The following CHCHD6 variants were observed in gnomAD, a reference collection of about 807,000 sequenced individuals.
CHCHD6 encodes the protein MICOS complex subunit MIC25.
A neutral mutation model predicts 32.3 loss-of-function variants in CHCHD6; 28 were observed. The ratio of observed to expected loss-of-function variants is 0.87; its 90% CI spans 0.64 to 1.19. The LOEUF (loss-of-function observed/expected upper bound fraction) is 1.19. CHCHD6 is among the 50% of genes most tolerant of loss of function. The pLI is 0.00. For synonymous variants in CHCHD6, 122 were observed against 117.5 expected, an observed-to-expected ratio of 1.04 and a Z score of -0.25; for missense variants, 333 against 307.0, an observed-to-expected ratio of 1.08 and a Z score of -0.63.
At chr3:126,776,666 T>C (rs1295685800) in intron 4 of CHCHD6, among the ~76,000 whole-genome samples, 6 of 152,250 alleles carry the variant, frequency 3.9e-5, no homozygotes, top group South Asian at 2.1e-4. Flanking sequence ...CATATAATCA[T>C]TTAATTCTCA....
chr3:126,794,866 G>A (rs143644975), intron 4 of CHCHD6, among the ~76,000 whole-genome samples: 3 of 152,150 alleles, frequency 2.0e-5, no homozygotes, highest in African/African-American at 7.2e-5. Flanking sequence ...GCAGTCCCTA[G>A]GACAATGCTC....
At chr3:126,732,348 C>T (rs1002310958) in intron 3 of CHCHD6, among the ~76,000 whole-genome samples, 1 of 152,124 alleles carries the variant, frequency 6.6e-6, no homozygotes, top group Non-Finnish European at 1.5e-5. Flanking sequence ...TCATATCTTG[C>T]TATTTTCACT....
rs1013865602 is a variant in CHCHD6 at position 126,952,247 on chromosome 3, A to T, written c.567-5169A>T. On this transcript the variant is annotated intron_variant, in intron 6 of 7. Coordinates refer to ENST00000290913, the MANE Select transcript of CHCHD6 (RefSeq NM_032343.3). ...CTAGACTTGGGAGTGCTCTGTGGGC[A>T]TGGGGGCTGGAGAAGTTGGGTGCTC... Among the ~76,000 whole-genome samples the T allele has an allele frequency of 2.0e-5, 3 of 152,258 alleles. No individual in the cohort carries two copies. The East Asian group carries it at 5.8e-4, about 29-fold the overall frequency.
At chr3:126,937,550 T>G (rs1473568832) in intron 6 of CHCHD6, among the ~76,000 whole-genome samples, 2 of 152,240 alleles carry the variant, frequency 1.3e-5, no homozygotes, top group Non-Finnish European at 2.9e-5. Context: ...TCATTCTATC[T>G]GCTTAAGCCT....
chr3:126,722,606 A>G (rs1399868197), intron 1 of CHCHD6, among the ~76,000 whole-genome samples: 1 of 152,176 alleles, frequency 6.6e-6, no homozygotes, highest in African/African-American at 2.4e-5. Flanking sequence ...TCTTCTTTGG[A>G]AAAATTTCTA....
chr3:126,830,131 A>G (rs959327609), intron 4 of CHCHD6, among the ~76,000 whole-genome samples: 2 of 152,072 alleles, frequency 1.3e-5, no homozygotes, highest in African/African-American at 4.8e-5. Flanking sequence ...TAAATAAATC[A>G]TGTTTGTTGT....
rs919392699 is a variant in CHCHD6 at position 126,841,664 on chromosome 3, G to C, written c.412-10983G>C. Among the ~76,000 whole-genome samples, 66 of 152,090 alleles carry C rather than the reference G, an allele frequency of 4.3e-4. 1 individual carries two copies. Among genetic ancestry groups the C allele is most frequent in the Middle Eastern group, 3.2e-3 (1 of 316 alleles). On this transcript the variant is annotated intron_variant, in intron 4 of 7. Transcript: ENST00000290913. ...CTCACGCCTGTAATCCCAGCACTTT[G>C]GGAGGCCAAGGTGGGAGGATCGCTT...
intron 4 of CHCHD6, among the ~76,000 whole-genome samples, chr3:126,753,119 A>G (rs1480055868): frequency 6.6e-6 from 1 of 152,056 alleles, no homozygotes; most frequent in African/African-American, 2.4e-5. Flanking sequence ...TGCTTTTTGT[A>G]AAACAAGCAG....
chr3:126,811,416 C>T (rs1183754006), intron 4 of CHCHD6, among the ~76,000 whole-genome samples: 1 of 152,124 alleles, frequency 6.6e-6, no homozygotes, highest in Admixed American at 6.6e-5. Context: ...TATGAAACAT[C>T]TCAAGTTTTA....
In CHCHD6 at chr3:126,924,049, G is replaced by A. The variant is rs556492874; in HGVS notation, c.566+9299G>A. Among the ~76,000 whole-genome samples the A allele has an allele frequency of 2.6e-5, 4 of 152,278 alleles. 1 individual carries two copies. Among genetic ancestry groups the A allele is most frequent in the African/African-American group, 7.2e-5 (3 of 41,562 alleles). On this transcript the variant is annotated intron_variant, in intron 6 of 7. Coordinates refer to ENST00000290913, the MANE Select transcript of CHCHD6 (RefSeq NM_032343.3). ...AGCCCTGATTCTGAGTGTGGAAATC[G>A]GAGGCAGCCTCATACCTAGTGACAG...
intron 7 of CHCHD6, among the ~76,000 whole-genome samples, chr3:126,959,060 T>C (rs1329639047): frequency 6.6e-6 from 1 of 152,194 alleles, no homozygotes; most frequent in East Asian, 1.9e-4. Flanking sequence ...CAGCCCCACC[T>C]CTGTGGTAGT....
rs567545712 is a variant in CHCHD6 at position 126,768,313 on chromosome 3, C to T, written c.411+35091C>T. Among the ~76,000 whole-genome samples the T allele has an allele frequency of 9.2e-5, 14 of 152,240 alleles. No individual in the cohort carries two copies. The South Asian group carries it at 2.7e-3, about 29-fold the overall frequency. ...CTTCTGCCCTGTAAGACAGCTGTTC[C>T]CCCTTTGCCTTACACCATGATTGGA... On this transcript the variant is annotated intron_variant, in intron 4 of 7. Coordinates refer to ENST00000290913, the MANE Select transcript of CHCHD6 (RefSeq NM_032343.3).
chr3:126,937,145 C>T (rs1158578474), intron 6 of CHCHD6, among the ~76,000 whole-genome samples: 1 of 152,230 alleles, frequency 6.6e-6, no homozygotes, highest in Non-Finnish European at 1.5e-5. Flanking sequence ...AAATTAAGTG[C>T]CTTTGCCTAG....
intron 2 of CHCHD6, 104 bp from the exon 3 acceptor site, chr3:126,730,457 A>G: frequency 1.1e-6 from 1 of 892,950 alleles, no homozygotes; most frequent in South Asian, 1.6e-5. Flanking sequence ...CTGCCTTCCA[A>G]GGGGCACATT....
chr3:126,832,723 A>G (rs1372544474), intron 4 of CHCHD6, among the ~76,000 whole-genome samples: 1 of 152,058 alleles, frequency 6.6e-6, no homozygotes, highest in East Asian at 1.9e-4. Flanking sequence ...ACTTTGTAGC[A>G]TCTTTGGAAA....
chr3:126,798,485 T>C (rs1268631278), intron 4 of CHCHD6, among the ~76,000 whole-genome samples: 1 of 152,236 alleles, frequency 6.6e-6, no homozygotes, highest in East Asian at 1.9e-4. Flanking sequence ...AATGTGCCCT[T>C]TTCAGTGGAT....
chr3:126,856,714 G>C (rs1029394047), intron 5 of CHCHD6, among the ~76,000 whole-genome samples: 1 of 152,198 alleles, frequency 6.6e-6, no homozygotes, highest in African/African-American at 2.4e-5. Context: ...GTGCTGGGTG[G>C]CTCTGAAGAA....
chr3:126,723,949 A>AT, intron 1 of CHCHD6, among the ~76,000 whole-genome samples: 1 of 152,208 alleles, frequency 6.6e-6, no homozygotes, highest in Non-Finnish European at 1.5e-5. Context: ...AAGGATTTTT[A>AT]TCCTGGATTG....
At chr3:126,805,231 T>C (rs1301919344) in intron 4 of CHCHD6, among the ~76,000 whole-genome samples, 1 of 152,112 alleles carries the variant, frequency 6.6e-6, no homozygotes, top group African/African-American at 2.4e-5. Context: ...AAATAAAGGG[T>C]ATTCAGTTAG....
Sources: allele counts gnomAD v4.1 joint callset (sites outside exome capture counted in the v4.1 genomes callset), GRCh38; gene constraint gnomAD v4.1.1; transcripts MANE v1.5; gene names NCBI Gene and HGNC (gene_info 2026-07-23, HGNC 2026-07-21).